GALNT13: variants seen among roughly 807,000 people sequenced by gnomAD.
GALNT13 encodes the protein UDP-GalNAc:polypeptide N-acetylgalactosaminyltransferase 13.
A neutral mutation model predicts 64.2 loss-of-function variants in GALNT13; 28 were observed. That is an observed-to-expected ratio of 0.44 (90% CI 0.32 to 0.60). The LOEUF is 0.60. Ranked by LOEUF, GALNT13 falls within the 20% of genes least tolerant of loss-of-function variation. The pLI is 0.05. For missense variants in GALNT13, 577 were observed against 669.8 expected, an observed-to-expected ratio of 0.86 and a Z score of 1.53; for synonymous variants, 214 against 224.6, an observed-to-expected ratio of 0.95 and a Z score of 0.42.
the GALNT13 span, among the ~76,000 whole-genome samples, chr2:153,684,737 T>C: frequency 3.3e-5 from 5 of 151,916 alleles, no homozygotes; most frequent in East Asian, 9.7e-4. Flanking sequence ...GTTGTACACA[T>C]TATTTCATCA....
the GALNT13 span, among the ~76,000 whole-genome samples, chr2:153,198,939 A>C: frequency 6.6e-6 from 1 of 152,192 alleles, no homozygotes; most frequent in East Asian, 1.9e-4. Context: ...AAAATTTTCT[A>C]AGTGCTCTTT....
chr2:153,803,657 A>C, the GALNT13 span, among the ~76,000 whole-genome samples: 5 of 143,288 alleles, frequency 3.5e-5, no homozygotes, highest in South Asian at 2.2e-4. Flanking sequence ...GCGCCACTGC[A>C]CTCCAGCCTG....
At chr2:153,840,560 G>A in the GALNT13 span, among the ~76,000 whole-genome samples, 2 of 152,038 alleles carry the variant, frequency 1.3e-5, no homozygotes, top group African/African-American at 4.8e-5. Flanking sequence ...GTGCATCAGG[G>A]TCCTGGCAGA....
intron 9 of GALNT13, among the ~76,000 whole-genome samples, chr2:154,355,984 C>G (rs976080128): frequency 3.9e-5 from 6 of 152,098 alleles, no homozygotes; most frequent in Middle Eastern, 3.4e-3. Flanking sequence ...AAGTTGTCAT[C>G]AGGTTCTCTT....
the GALNT13 span, among the ~76,000 whole-genome samples, chr2:153,807,092 A>G: frequency 1.3e-5 from 2 of 152,008 alleles, no homozygotes; most frequent in African/African-American, 2.4e-5. Context: ...ATCATTATTC[A>G]TGCCCAATCC....
At chr2:153,730,965 C>T in the GALNT13 span, among the ~76,000 whole-genome samples, 9 of 151,782 alleles carry the variant, frequency 5.9e-5, no homozygotes, top group East Asian at 1.4e-3. Flanking sequence ...TAATATATCT[C>T]CTGCATTCAC....
chr2:153,739,814 T>C, the GALNT13 span, among the ~76,000 whole-genome samples: 274 of 151,602 alleles, frequency 1.8e-3, 2 homozygotes, highest in Middle Eastern at 3.6e-3. Context: ...ATGAGGTATA[T>C]TGGTGTATAA....
intron 3 of GALNT13, among the ~76,000 whole-genome samples, chr2:154,087,058 G>T (rs1431802753): frequency 6.6e-6 from 1 of 152,082 alleles, no homozygotes; most frequent in Non-Finnish European, 1.5e-5. Flanking sequence ...CTTCTGAAAG[G>T]AGGTGTGAAT....
At chr2:154,103,771 T>C (rs1702466791) in intron 3 of GALNT13, among the ~76,000 whole-genome samples, 2 of 152,308 alleles carry the variant, frequency 1.3e-5, no homozygotes, top group Admixed American at 6.5e-5. Context: ...TATTATCTTG[T>C]ACAGTGGCTT....
the GALNT13 span, among the ~76,000 whole-genome samples, chr2:153,608,286 A>G: frequency 4.6e-5 from 7 of 152,290 alleles, no homozygotes; most frequent in East Asian, 1.4e-3. Context: ...CGAGGGCTTA[A>G]TATAAATCGT....
At chr2:153,908,825 A>G (rs1299708010) in intron 2 of GALNT13, among the ~76,000 whole-genome samples, 1 of 152,028 alleles carries the variant, frequency 6.6e-6, no homozygotes, top group Non-Finnish European at 1.5e-5. Flanking sequence ...TGGTAACATA[A>G]TGCGTCCAAC....
At chr2:153,695,784 A>T in the GALNT13 span, among the ~76,000 whole-genome samples, 1 of 152,172 alleles carries the variant, frequency 6.6e-6, no homozygotes, top group Non-Finnish European at 1.5e-5. Context: ...TCTCTTTTTG[A>T]AGAAGTAAGC....
the GALNT13 span, among the ~76,000 whole-genome samples, chr2:153,831,856 T>A: frequency 1.3e-5 from 2 of 152,174 alleles, no homozygotes; most frequent in Non-Finnish European, 2.9e-5. Context: ...TTGAACTCTG[T>A]TAACAGAAAT....
At chr2:153,901,993 A>C (rs1688267425) in intron 2 of GALNT13, among the ~76,000 whole-genome samples, 2 of 152,082 alleles carry the variant, frequency 1.3e-5, no homozygotes, top group South Asian at 4.1e-4. Flanking sequence ...CCTCTTTATT[A>C]TCTTCAGATG....
At chr2:153,399,362 C>T in the GALNT13 span, among the ~76,000 whole-genome samples, 1 of 152,194 alleles carries the variant, frequency 6.6e-6, no homozygotes, top group African/African-American at 2.4e-5. Flanking sequence ...TAGTGTGATA[C>T]CTCCAGCTTT....
the GALNT13 span, among the ~76,000 whole-genome samples, chr2:153,251,908 G>T: frequency 6.6e-6 from 1 of 151,750 alleles, no homozygotes; most frequent in Non-Finnish European, 1.5e-5. Context: ...CTTTGCTATT[G>T]TGAATAATGC....
the GALNT13 span, among the ~76,000 whole-genome samples, chr2:153,317,015 GATAGGTACA>G: frequency 1.3e-5 from 2 of 152,146 alleles, no homozygotes; most frequent in Admixed American, 6.5e-5. Context: ...CTTGGAACAA[GATAGGTACA>G]AATAAATGTC....
At chr2:154,000,835 G>A (rs573844784) in intron 3 of GALNT13, among the ~76,000 whole-genome samples, 11 of 152,028 alleles carry the variant, frequency 7.2e-5, no homozygotes, top group African/African-American at 2.6e-4. Flanking sequence ...TAACTGCAGT[G>A]TTTCTTTGTT....
chr2:153,647,116 C>T, the GALNT13 span, among the ~76,000 whole-genome samples: 2 of 152,152 alleles, frequency 1.3e-5, no homozygotes, highest in African/African-American at 4.8e-5. Context: ...CACATCCTCT[C>T]CAGCACCTGT....
Sources: gnomAD v4.1 joint callset for allele counts (sites outside exome capture counted in the v4.1 genomes callset) on GRCh38, gnomAD v4.1.1 for gene constraint, MANE v1.5 for transcripts, NCBI Gene and HGNC (gene_info 2026-07-23, HGNC 2026-07-21) for gene names.